The following DDX1 variants were observed in gnomAD, a reference collection of about 807,000 sequenced individuals.
DDX1 encodes ATP-dependent RNA helicase DDX1.
Under a neutral mutation model 108.7 loss-of-function variants are expected in DDX1, and 28 were observed. The ratio of observed to expected loss-of-function variants is 0.26; its 90% CI spans 0.19 to 0.35. DDX1 has a LOEUF of 0.35. Ranked by LOEUF, DDX1 falls within the 10% of genes least tolerant of loss-of-function variation. The pLI is 1.00. For synonymous variants in DDX1, 295 were observed against 288.9 expected (o/e 1.02, Z -0.21); for missense variants, 710 against 884.5 (o/e 0.80, Z 2.50).
intron 13 of DDX1, among the ~76,000 whole-genome samples, chr2:15,611,649 A>G (rs867666869): frequency 1.6e-3 from 76 of 48,690 alleles, no homozygotes; most frequent in African/African-American, 0.011. Context: ...GGGCAGAGGC[A>G]CCCCCCACCT....
At chr2:15,612,003 G>A (rs1315925254) in intron 13 of DDX1, among the ~76,000 whole-genome samples, 2 of 140,074 alleles carry the variant, frequency 1.4e-5, no homozygotes, top group Admixed American at 6.9e-5. Context: ...GCGGCTGGCC[G>A]GGCAGAGGGG....
chr2:15,611,729 G>A (rs1226641336), intron 13 of DDX1, among the ~76,000 whole-genome samples: 5 of 109,750 alleles, frequency 4.6e-5, no homozygotes, highest in African/African-American at 1.7e-4. Flanking sequence ...GCGACTGGCC[G>A]GGCGGGGGGC....
chr2:15,591,906 A>G lies in DDX1; in HGVS notation c.-28A>G. 2 of 1,466,644 alleles carry G rather than the reference A, an allele frequency of 1.4e-6. No homozygotes were observed. Among genetic ancestry groups the G allele is most frequent in the Non-Finnish European group, 1.8e-6 (2 of 1,108,360 alleles). The allele number at this position is 1,466,644 out of a possible 1,614,324, so 90.9% of individuals were successfully genotyped here. A position where few individuals can be genotyped will look rare whatever the true frequency, so the allele number is the denominator to read the frequency against. ...GTCAGTCGGGAGGGAGGGAGCGAGC[A>G]GGCGAAGCCGCGGAGGACGGGGTGA... On this transcript the variant is annotated 5_prime_UTR_variant, in exon 1 of 26. Coordinates refer to ENST00000233084, the MANE Select transcript of DDX1 (RefSeq NM_004939.3).
chr2:15,604,424 T>C lies in DDX1; in HGVS notation c.553-13T>C. ...ACTTTCTATTAATAGCATTTGACTTTCTGGTGTTCTAGGAATTCACTATGC... is the reference window on the plus strand; with the variant it reads ...ACTTTCTATTAATAGCATTTGACTTCCTGGTGTTCTAGGAATTCACTATGC... On this transcript the variant is annotated splice_polypyrimidine_tract_variant and intron_variant, in intron 9 of 25. Transcript: ENST00000233084. The C allele has an allele frequency of 6.4e-7, 1 of 1,572,264 alleles. No homozygotes were observed. Among genetic ancestry groups the C allele is most frequent in the Non-Finnish European group, 8.7e-7 (1 of 1,143,566 alleles).
intron 19 of DDX1, among the ~76,000 whole-genome samples, chr2:15,626,839 C>T (rs1021254437): frequency 1.3e-5 from 2 of 152,022 alleles, no homozygotes; most frequent in African/African-American, 4.8e-5. Context: ...CTTAAAATGC[C>T]CTTAAAAGCA....
intron 14 of DDX1, among the ~76,000 whole-genome samples, chr2:15,613,986 G>A (rs1254750043): frequency 1.3e-5 from 2 of 151,902 alleles, no homozygotes; most frequent in Non-Finnish European, 1.5e-5. Flanking sequence ...ACAGGCACCC[G>A]CCACCATGTT....
chr2:15,608,523 G>A (rs1233501823), intron 13 of DDX1, among the ~76,000 whole-genome samples: 3 of 136,566 alleles, frequency 2.2e-5, no homozygotes, highest in Admixed American at 7.4e-5. Flanking sequence ...GTAAGACTCC[G>A]TCTCAAAAAA....
chr2:15,613,325 C>G (rs1161895341), intron 14 of DDX1, 41 bp downstream of exon 14: 2 of 1,431,336 alleles, frequency 1.4e-6, no homozygotes, highest in Non-Finnish European at 1.9e-6. Flanking sequence ...ATGTCATGGG[C>G]TGTCGTTTTA....
At position 15,599,650 on chromosome 2, in the gene DDX1, C is replaced by G. The variant is rs1665557379; in HGVS notation, c.260-19C>G. On this transcript the variant is annotated intron_variant, in intron 5 of 25. Transcript: ENST00000233084. ...TTTTATATATCTGTGGGTAACTTTT[C>G]TTATTTTAATTTGTTTAGTGCTGAA... The G allele has an allele frequency of 6.3e-7, 1 of 1,584,432 alleles. No homozygotes were observed.
intron 13 of DDX1, among the ~76,000 whole-genome samples, chr2:15,610,825 G>A (rs1005798226): frequency 6.9e-4 from 62 of 89,706 alleles, no homozygotes; most frequent in Admixed American, 1.2e-3. Flanking sequence ...ACAGCTACGG[G>A]GATTTAACTG....
At chr2:15,605,086 A>G (rs904902351) in intron 10 of DDX1, among the ~76,000 whole-genome samples, 1 of 152,192 alleles carries the variant, frequency 6.6e-6, no homozygotes, top group Admixed American at 6.5e-5. Flanking sequence ...CATATGGGCC[A>G]TGATCTAAAC....
chr2:15,592,466 T>C (rs1040185523), intron 1 of DDX1, among the ~76,000 whole-genome samples: 17 of 152,234 alleles, frequency 1.1e-4, no homozygotes, highest in Admixed American at 1.1e-3. Context: ...GATCTTTATT[T>C]GTTCTTAAAC....
Position 15,630,170 on chromosome 2 carries a change from G to T in DDX1, c.2092+60G>T. The T allele has an allele frequency of 2.6e-6, 4 of 1,537,234 alleles. No homozygotes were observed. In the South Asian group the frequency reaches 4.6e-5, roughly 18 times the overall value. ...TGTAAATATACCTGTTTTGAACTTC[G>T]GTTTGGGAAGGCAGTACTTTCATTT... On this transcript the variant is annotated intron_variant, in intron 25 of 25. Coordinates refer to ENST00000233084, the MANE Select transcript of DDX1 (RefSeq NM_004939.3).
chr2:15,610,585 A>C (rs1025472794), intron 13 of DDX1, among the ~76,000 whole-genome samples: 3 of 152,216 alleles, frequency 2.0e-5, no homozygotes, highest in African/African-American at 7.2e-5. Context: ...TCCTTTCCCC[A>C]ATTTCTAGTT....
At chr2:15,599,990 G>C (rs188801974) in intron 6 of DDX1, among the ~76,000 whole-genome samples, 8 of 151,748 alleles carry the variant, frequency 5.3e-5, no homozygotes, top group Non-Finnish European at 8.8e-5. Flanking sequence ...GTGCTGACAC[G>C]ATCCATCTGG....
At position 15,605,971 on chromosome 2, in the gene DDX1, T is replaced by A; in HGVS notation, c.647T>A (p.Phe216Tyr). Residue 216 changes from phenylalanine (F) to tyrosine (Y), a missense_variant, in exon 11 of 26, where the codon TTT (phenylalanine) becomes TAT (tyrosine). Transcript: ENST00000233084. ...TAAGGAAAAGATCTTGGTCTGGCATTTGAAATACCACCACATATGAAAAAC... is the reference window on the plus strand; with the variant it reads ...TAAGGAAAAGATCTTGGTCTGGCATATGAAATACCACCACATATGAAAAAC... ...SKNGKDLGLA[F>Y]EIPPHMKNQA... The A allele has an allele frequency of 6.3e-7, 1 of 1,579,214 alleles. No individual in the cohort carries two copies. The highest frequency in any genetic ancestry group is 8.6e-7 in the Non-Finnish European group (1 of 1,167,802).
Position 15,627,149 on chromosome 2 carries a change from C to G in DDX1, c.1686+4C>G. ...GCAAAACTTGGAAAGATTTAAGGTACTGATACATAGTTGATTGTTTCCTTA... is the reference window on the plus strand; with the variant it reads ...GCAAAACTTGGAAAGATTTAAGGTAGTGATACATAGTTGATTGTTTCCTTA... On this transcript the variant is annotated splice_donor_region_variant and intron_variant, in intron 20 of 25. Transcript: ENST00000233084. The G allele has an allele frequency of 6.5e-7, 1 of 1,546,664 alleles. No homozygotes were observed. The highest frequency in any genetic ancestry group is 1.7e-4 in the Middle Eastern group (1 of 5,884).
intron 1 of DDX1, among the ~76,000 whole-genome samples, chr2:15,594,777 G>A (rs1665472696): frequency 6.6e-6 from 1 of 152,212 alleles, no homozygotes; most frequent in African/African-American, 2.4e-5. Context: ...CTTTTCACGA[G>A]TCATGAGAGG....
intron 19 of DDX1, among the ~76,000 whole-genome samples, chr2:15,626,851 G>A (rs193104117): frequency 3.8e-4 from 58 of 152,228 alleles, no homozygotes; most frequent in Admixed American, 3.5e-3. Context: ...TTAAAAGCAG[G>A]ACAACTTTAA....
Sources: gnomAD v4.1 joint callset for allele counts (sites outside exome capture counted in the v4.1 genomes callset) on GRCh38, gnomAD v4.1.1 for gene constraint, MANE v1.5 for transcripts, NCBI Gene and HGNC (gene_info 2026-07-23, HGNC 2026-07-21) for gene names.